PLAGL1: variants seen among roughly 807,000 people sequenced by gnomAD.
PLAGL1 encodes zinc finger protein PLAGL1.
A neutral mutation model predicts 4.6 loss-of-function variants in PLAGL1; 1 was observed. The ratio of observed to expected loss-of-function variants is 0.22; its 90% confidence interval spans 0.08 to 1.03. The LOEUF is 1.03. PLAGL1 is among the 50% of genes least tolerant of loss of function. PLAGL1 has a pLI of 0.58. For synonymous variants in PLAGL1, 240 were observed against 237.8 expected (o/e 1.01, Z -0.08); for missense variants, 464 against 570.4 (o/e 0.81, Z 1.90).
At position 144,055,809 on chromosome 6, in the gene PLAGL1, T is replaced by C. The variant is rs1583908104; in HGVS notation, c.-151+8659A>G. ...ACAAGTCCTGGAAGAAAGAACCTCA[T>C]CCCCATGAACGATACACAGCCACTG... On this transcript the variant is annotated intron_variant, in intron 1 of 3. Coordinates refer to the PLAGL1 transcript ENST00000437412. The surrounding 1 kb of genome is among the most constrained non-coding windows in gnomAD (Gnocchi z 5.0). Among the ~76,000 whole-genome samples the C allele has an allele frequency of 6.6e-6, 1 of 152,168 alleles. No individual in the cohort carries two copies. The highest frequency in any genetic ancestry group is 1.5e-5 in the Non-Finnish European group (1 of 68,020).
In PLAGL1 at chr6:144,063,282, A is replaced by G. The variant is rs1280988491; in HGVS notation, c.-151+1186T>C. Among the ~76,000 whole-genome samples the G allele has an allele frequency of 2.0e-5, 3 of 152,178 alleles. No individual in the cohort carries two copies. The highest frequency in any genetic ancestry group is 7.2e-5 in the African/African-American group (3 of 41,438). On this transcript the variant is annotated intron_variant, in intron 1 of 3. Coordinates refer to the PLAGL1 transcript ENST00000437412. This position sits in a 1 kb window ranked among gnomAD's most constrained non-coding sequence, Gnocchi z 5.7. Reference sequence around the variant, plus strand: ...ATTACAAGTTCTCTGGGGCCACTTTACAGATGATAAAACTGGGCTGAAAAT... The same window carrying G: ...ATTACAAGTTCTCTGGGGCCACTTTGCAGATGATAAAACTGGGCTGAAAAT...
At position 144,053,399 on chromosome 6, in the gene PLAGL1, G is replaced by T. The variant is rs1355195307; in HGVS notation, c.-151+11069C>A. Among the ~76,000 whole-genome samples, 1 of 152,174 alleles carries T rather than the reference G, an allele frequency of 6.6e-6. No individual in the cohort carries two copies. Among genetic ancestry groups the T allele is most frequent in the Non-Finnish European group, 1.5e-5 (1 of 68,038 alleles). On this transcript the variant is annotated intron_variant, in intron 1 of 3. Transcript: ENST00000437412. The surrounding 1 kb of genome is among the most constrained non-coding windows in gnomAD (Gnocchi z 4.0). ...ATCAGCCACGATGGCCTCCCAAATTGCTGGTGTTACAGGCGTGAGCCACCA... is the reference window on the plus strand; with the variant it reads ...ATCAGCCACGATGGCCTCCCAAATTTCTGGTGTTACAGGCGTGAGCCACCA...
At position 144,061,774 on chromosome 6, in the gene PLAGL1, C is replaced by T. The variant is rs1285118011; in HGVS notation, c.-151+2694G>A. Among the ~76,000 whole-genome samples, 1 of 152,142 alleles carries T rather than the reference C, an allele frequency of 6.6e-6. No homozygotes were observed. The highest frequency in any genetic ancestry group is 1.5e-5 in the Non-Finnish European group (1 of 68,022). ...TCCCACCATCAATTTTATCAAGTTC[C>T]TTCCTCCTCCCAATCTCCCTCTTCT... On this transcript the variant is annotated intron_variant, in intron 1 of 3. Transcript: ENST00000437412. This position sits in a 1 kb window ranked among gnomAD's most constrained non-coding sequence, Gnocchi z 4.4.
chr6:144,053,371 G>GCGA lies in PLAGL1; in HGVS notation c.-151+11096_-151+11097insTCG, dbSNP rs1313060196. 1.3e-5 allele frequency among the ~76,000 whole-genome samples: 2 copies of GCGA among 152,148 alleles called. No individual in the cohort carries two copies. Among genetic ancestry groups the GCGA allele is most frequent in the African/African-American group, 4.8e-5 (2 of 41,428 alleles). On this transcript the variant is annotated intron_variant, in intron 1 of 3. Transcript: ENST00000437412. This position sits in a 1 kb window ranked among gnomAD's most constrained non-coding sequence, Gnocchi z 4.0. ...GCTGGTCTGAAACTCCTGACCTCAG[G>GCGA]TGATCAGCCACGATGGCCTCCCAAA...
rs922715791 is a variant in PLAGL1 at position 144,050,862 on chromosome 6, A to G, written c.-151+13606T>C. Among the ~76,000 whole-genome samples the G allele has an allele frequency of 7.9e-5, 12 of 152,178 alleles. No individual in the cohort carries two copies. Among genetic ancestry groups the G allele is most frequent in the African/African-American group, 2.9e-4 (12 of 41,438 alleles). On this transcript the variant is annotated intron_variant, in intron 1 of 3. Coordinates refer to the PLAGL1 transcript ENST00000437412. This position sits in a 1 kb window ranked among gnomAD's most constrained non-coding sequence, Gnocchi z 4.3. ...TAGTAAACTACAATTGTGCCACCACACTCCAACCTAGGTGACAAAGCAAGA... is the reference window on the plus strand; with the variant it reads ...TAGTAAACTACAATTGTGCCACCACGCTCCAACCTAGGTGACAAAGCAAGA...
chr6:144,012,270 A>G (rs56360488), upstream of PLAGL1, among the ~76,000 whole-genome samples: 1 of 151,958 alleles, frequency 6.6e-6, no homozygotes, highest in Non-Finnish European at 1.5e-5. The surrounding 1 kb of genome is among the most constrained non-coding windows in gnomAD (Gnocchi z 4.8). Context: ...GCTGGAGTAC[A>G]GTGGCATGAT....
rs1361150983 is a variant in PLAGL1 at position 143,942,569 on chromosome 6, T to C, written c.247A>G (p.Thr83Ala). The C allele has an allele frequency of 4.3e-6, 7 of 1,614,068 alleles. No individual in the cohort carries two copies. The South Asian group carries it at 6.6e-5, about 15-fold the overall frequency. ...AAGGCCATTTTGTTGGGGTCGTGGGTCTGGAGGTGGTTTTTCAGGTGGTCT... is the reference window on the plus strand; with the variant it reads ...AAGGCCATTTTGTTGGGGTCGTGGGCCTGGAGGTGGTTTTTCAGGTGGTCT... ...RKDHLKNHLQ[T>A]HDPNKMAFGC... The change falls in exon 8 of 8, where the codon ACC (threonine) becomes GCC (alanine). Residue 83 changes from threonine (T) to alanine (A), a missense_variant. This residue lies in a region of PLAGL1 where 161 missense variants were observed against 196.7 expected (regional missense o/e 0.82). Transcript: ENST00000674357. The surrounding 1 kb of genome is among the most constrained non-coding windows in gnomAD (Gnocchi z 7.6).
At chr6:143,999,048 G>A (rs1036998525) in intron 1 of PLAGL1, among the ~76,000 whole-genome samples, 3 of 152,108 alleles carry the variant, frequency 2.0e-5, no homozygotes, top group African/African-American at 4.8e-5. Flanking sequence ...ATGATAGGAA[G>A]GGAAGAAAAG....
rs536878163 is a variant in PLAGL1, at chr6:143,958,908, T to G, written c.-325+1561A>C. Among the ~76,000 whole-genome samples, 2 of 152,182 alleles carry G rather than the reference T, an allele frequency of 1.3e-5. No individual in the cohort carries two copies. Among genetic ancestry groups the G allele is most frequent in the Non-Finnish European group, 2.9e-5 (2 of 68,030 alleles). On this transcript the variant is annotated intron_variant, in intron 6 of 7. Coordinates refer to ENST00000674357, the MANE Select transcript of PLAGL1 (RefSeq NM_001317162.2). The surrounding 1 kb of genome is among the most constrained non-coding windows in gnomAD (Gnocchi z 5.1). ...AGCAGGGCCTCTTCTCCTTTTCACCTTAAGTCTTTTTTCTCTCCCATTCAC... is the reference window on the plus strand; with the variant it reads ...AGCAGGGCCTCTTCTCCTTTTCACCGTAAGTCTTTTTTCTCTCCCATTCAC...
At chr6:144,003,918 T>A (rs569765184) in intron 1 of PLAGL1, among the ~76,000 whole-genome samples, 4 of 152,354 alleles carry the variant, frequency 2.6e-5, no homozygotes, top group Admixed American at 1.3e-4. Flanking sequence ...GAGAGATATA[T>A]GTCTACCAAC....
chr6:143,993,731 T>C (rs1562520818), intron 1 of PLAGL1, among the ~76,000 whole-genome samples: 1 of 152,160 alleles, frequency 6.6e-6, no homozygotes, highest in Non-Finnish European at 1.5e-5. Context: ...GATAACTTCC[T>C]TTAGGACCAG....
Position 144,055,180 on chromosome 6 carries a change from TATTCATATCCAC to T in PLAGL1, c.-151+9276_-151+9287del. 9.5e-6 allele frequency among the ~76,000 whole-genome samples: 1 copy of T among 105,096 alleles called. No homozygotes were observed. The highest frequency in any genetic ancestry group is 2.4e-5 in the Non-Finnish European group (1 of 42,156). 68.9% of individuals were successfully genotyped at this position (105,096 alleles called of 152,430 possible). A position where few individuals can be genotyped will look rare whatever the true frequency, so the allele number is the denominator to read the frequency against. Reference sequence around the variant, plus strand: ...GAGCACGGAGAGGCATATCCACAGATATTCATATCCACAGATATTCATGAAAACACACTTACC... The same window carrying T: ...GAGCACGGAGAGGCATATCCACAGATAGATATTCATGAAAACACACTTACC... On this transcript the variant is annotated intron_variant, in intron 1 of 3. Coordinates refer to the PLAGL1 transcript ENST00000437412. This position sits in a 1 kb window ranked among gnomAD's most constrained non-coding sequence, Gnocchi z 5.0.
At chr6:144,014,662 C>G (rs1049385952) in intron 1 of PLAGL1, among the ~76,000 whole-genome samples, 4 of 152,040 alleles carry the variant, frequency 2.6e-5, no homozygotes, top group Non-Finnish European at 5.9e-5. Context: ...TCACTGCAGC[C>G]TCCACCTCCC....
At chr6:144,033,786 TCACAAGGTC>T in intron 1 of PLAGL1, among the ~76,000 whole-genome samples, 1 of 152,052 alleles carries the variant, frequency 6.6e-6, no homozygotes, top group Non-Finnish European at 1.5e-5. Flanking sequence ...CAATGTAAAA[TCACAAGGTC>T]TACCTTCACA....
At chr6:144,018,394 G>A (rs1192853496) in intron 1 of PLAGL1, among the ~76,000 whole-genome samples, 2 of 152,146 alleles carry the variant, frequency 1.3e-5, no homozygotes, top group Admixed American at 1.3e-4. Context: ...GAGAGGATGG[G>A]GTAGCGGGTA....
chr6:143,964,050 C>CA lies in PLAGL1; in HGVS notation c.-399+736dup, dbSNP rs1366040162. Reference sequence around the variant, plus strand: ...GAAGGAGAAGCAGAGGAGAAGCTGCCAAAATGACACTCTCCCTTCCATCCC... The same window carrying CA: ...GAAGGAGAAGCAGAGGAGAAGCTGCCAAAAATGACACTCTCCCTTCCATCCC... On this transcript the variant is annotated intron_variant, in intron 5 of 7. Transcript: ENST00000674357. This position sits in a 1 kb window ranked among gnomAD's most constrained non-coding sequence, Gnocchi z 4.3. Among the ~76,000 whole-genome samples the CA allele has an allele frequency of 1.3e-5, 2 of 152,108 alleles. No individual in the cohort carries two copies. Among genetic ancestry groups the CA allele is most frequent in the Non-Finnish European group, 2.9e-5 (2 of 68,012 alleles).
In PLAGL1 at chr6:144,063,832, T is replaced by C. The variant is rs1026575397; in HGVS notation, c.-151+636A>G. Reference sequence around the variant, plus strand: ...CTGCCCGCCCCCATCAGGGGAGTCCTGCTCTCGAAATTATCCCGCGCGCCG... The same window carrying C: ...CTGCCCGCCCCCATCAGGGGAGTCCCGCTCTCGAAATTATCCCGCGCGCCG... On this transcript the variant is annotated intron_variant, in intron 1 of 3. Coordinates refer to the PLAGL1 transcript ENST00000437412. This position sits in a 1 kb window ranked among gnomAD's most constrained non-coding sequence, Gnocchi z 5.7. 6.6e-6 allele frequency among the ~76,000 whole-genome samples: 1 copy of C among 152,112 alleles called. No homozygotes were observed. The highest frequency in any genetic ancestry group is 2.4e-5 in the African/African-American group (1 of 41,434).
At position 143,964,086 on chromosome 6, in the gene PLAGL1, A is replaced by AC. The variant is rs1050407180; in HGVS notation, c.-399+700dup. 3.3e-5 allele frequency among the ~76,000 whole-genome samples: 5 copies of AC among 151,568 alleles called. No individual in the cohort carries two copies. Among genetic ancestry groups the AC allele is most frequent in the Non-Finnish European group, 7.4e-5 (5 of 67,902 alleles). On this transcript the variant is annotated intron_variant, in intron 5 of 7. Transcript: ENST00000674357. This position sits in a 1 kb window ranked among gnomAD's most constrained non-coding sequence, Gnocchi z 4.3. ...TCTCCCTTCCATCCCCCCATGGCCA[A>AC]CCCCCCATCCCAGGGCCTGATAAGG...
Position 144,061,348 on chromosome 6 carries a change from T to G in PLAGL1, c.-151+3120A>C, listed in dbSNP as rs1199648999. The stretch of plus-strand genomic sequence containing the variant: ...TTTCTACAACTGGAACAGGACAGTC[T>G]ATCTGTGCAACCTACCAAGTTCCAC... On this transcript the variant is annotated intron_variant, in intron 1 of 3. Coordinates refer to the PLAGL1 transcript ENST00000437412. This position sits in a 1 kb window ranked among gnomAD's most constrained non-coding sequence, Gnocchi z 4.4. Among the ~76,000 whole-genome samples, 2 of 152,232 alleles carry G rather than the reference T, an allele frequency of 1.3e-5. No homozygotes were observed. The highest frequency in any genetic ancestry group is 2.9e-5 in the Non-Finnish European group (2 of 68,046).
Sources: gnomAD v4.1 joint callset for allele counts (sites outside exome capture counted in the v4.1 genomes callset) on GRCh38, gnomAD v4.1.1 for gene constraint, gnomAD v4.1.1 regional missense constraint, Gnocchi (gnomAD v3.1) non-coding constraint, MANE v1.5 for transcripts, NCBI Gene and HGNC (gene_info 2026-07-23, HGNC 2026-07-21) for gene names.